Variants in TGS1 observed in about 807,000 individuals in gnomAD.
TGS1 encodes the protein trimethylguanosine synthase 1, also known as trimethylguanosine synthase.
In TGS1, 69 loss-of-function variants were observed where a neutral mutation model predicts 92.2. That is an observed-to-expected ratio of 0.75 (90% CI 0.62 to 0.91). The LOEUF (loss-of-function observed/expected upper bound fraction) is 0.91, where lower values mean the gene tolerates loss of function less well. Among genes scored for constraint, TGS1 ranks in the 40% least tolerant of loss-of-function variants. The pLI is 0.00. For missense variants in TGS1, 1,062 were observed against 1,001.2 expected (o/e 1.06, Z -0.82); for synonymous variants, 345 against 338.1 (o/e 1.02, Z -0.22).
At chr8:55,814,674 A>AAATATAT (rs1254531524) in intron 12 of TGS1, among the ~76,000 whole-genome samples, 181 of 123,328 alleles carry the variant, frequency 1.5e-3, no homozygotes, top group African/African-American at 6.2e-3. Context: ...AAAAAAAAAA[A>AAATATAT]ATATATATAT....
intron 1 of TGS1, among the ~76,000 whole-genome samples, chr8:55,774,750 T>G (rs958274812): frequency 7.9e-5 from 12 of 152,186 alleles, no homozygotes; most frequent in African/African-American, 2.9e-4. Context: ...TTGATTATAG[T>G]TATAAGTGCT....
At chr8:55,788,200 T>C (rs905416780) in intron 4 of TGS1, among the ~76,000 whole-genome samples, 1 of 152,242 alleles carries the variant, frequency 6.6e-6, no homozygotes, top group Admixed American at 6.5e-5. Context: ...TGATGTTACA[T>C]GCTGAAGACA....
chr8:55,790,360 C>T, intron 5 of TGS1, 61 bp downstream of exon 5: 2 of 1,029,014 alleles, frequency 1.9e-6, no homozygotes, highest in Non-Finnish European at 3.1e-6. Flanking sequence ...TATGCATAAG[C>T]CAGTGGTTAT....
At chr8:55,805,472 A>T (rs1241557028) in intron 10 of TGS1, among the ~76,000 whole-genome samples, 2 of 152,232 alleles carry the variant, frequency 1.3e-5, no homozygotes, top group Non-Finnish European at 2.9e-5. Context: ...AATCTGTTAT[A>T]AAAAGTTAAA....
At chr8:55,799,749 A>AT (rs1011015764) in intron 8 of TGS1, among the ~76,000 whole-genome samples, 3 of 151,552 alleles carry the variant, frequency 2.0e-5, no homozygotes, top group Non-Finnish European at 4.4e-5. Flanking sequence ...TAATTATTTA[A>AT]TTTTTTTTGT....
chr8:55,800,840 C>T (rs1310123947), intron 8 of TGS1, among the ~76,000 whole-genome samples: 1 of 152,158 alleles, frequency 6.6e-6, no homozygotes, highest in Non-Finnish European at 1.5e-5. Flanking sequence ...TCCTTGAGGA[C>T]CATTTGAGTG....
chr8:55,798,485 A>C (rs1812122251), intron 7 of TGS1, among the ~76,000 whole-genome samples: 1 of 152,222 alleles, frequency 6.6e-6, no homozygotes, highest in Admixed American at 6.5e-5. Context: ...ATGCTAAGTA[A>C]CATTTACATA....
intron 1 of TGS1, among the ~76,000 whole-genome samples, chr8:55,775,196 G>A (rs1811356118): frequency 6.6e-6 from 1 of 151,250 alleles, no homozygotes; most frequent in African/African-American, 2.4e-5. Context: ...CCAGGCTGCA[G>A]TTAGCCATTG....
chr8:55,811,225 G>A lies in TGS1; in HGVS notation c.2360+128G>A. On this transcript the variant is annotated intron_variant, in intron 11 of 12. Transcript: ENST00000260129. ...CATTTGTAATCCTAGCACATTGGGA[G>A]GCTGAGGCAGGTGGATCACCTGAGG... is the stretch of plus-strand genomic sequence containing the variant. 2 of 760,340 alleles carry A rather than the reference G, an allele frequency of 2.6e-6. 1 individual carries two copies. Among genetic ancestry groups the A allele is most frequent in the Non-Finnish European group, 4.2e-6 (2 of 479,878 alleles). The allele number at this position is 760,340 out of a possible 1,614,324, so 47.1% of individuals were successfully genotyped here. A position where few individuals can be genotyped will look rare whatever the true frequency, so the allele number is the denominator to read the frequency against.
At chr8:55,811,178 G>T in intron 11 of TGS1, 81 bp downstream of exon 11, 1 of 853,090 alleles carries the variant, frequency 1.2e-6, no homozygotes, top group South Asian at 1.6e-5. Flanking sequence ...AGGGAGTGTG[G>T]GTGGGTGGGC....
At position 55,800,617 on chromosome 8, in the gene TGS1, C is replaced by T. The variant is rs114248955; in HGVS notation, c.1849+1397C>T. 3.6e-3 allele frequency among the ~76,000 whole-genome samples: 544 copies of T among 152,288 alleles called. 2 individuals carry two copies. Among genetic ancestry groups the T allele is most frequent in the African/African-American group, 0.012 (512 of 41,540 alleles). On this transcript the variant is annotated intron_variant, in intron 8 of 12. Transcript: ENST00000260129. ...ATTTGGAATTCTGGCATTTAGTACT[C>T]AGTTACTTAATGTTAGGTCATGTAC...
chr8:55,820,163 T>C (rs1258126727), intron 12 of TGS1, among the ~76,000 whole-genome samples: 2 of 152,196 alleles, frequency 1.3e-5, no homozygotes, highest in East Asian at 1.9e-4. Flanking sequence ...GTAATTATTA[T>C]CTATTCTTCC....
chr8:55,776,777 C>T (rs1170664465), intron 1 of TGS1, among the ~76,000 whole-genome samples: 2 of 152,132 alleles, frequency 1.3e-5, no homozygotes, highest in Non-Finnish European at 2.9e-5. Flanking sequence ...TAAGTGCCAC[C>T]ACTAATTGTT....
intron 12 of TGS1, among the ~76,000 whole-genome samples, chr8:55,822,081 T>C (rs1803657136): frequency 1.3e-5 from 2 of 151,414 alleles, no homozygotes; most frequent in African/African-American, 4.8e-5. Context: ...TCTTTCTTTT[T>C]TTTTTTGAGG....
At chr8:55,821,877 A>C (rs1375023227) in intron 12 of TGS1, among the ~76,000 whole-genome samples, 3 of 151,846 alleles carry the variant, frequency 2.0e-5, no homozygotes, top group Non-Finnish European at 4.4e-5. Context: ...TCCATCTCAA[A>C]AAATAATAAT....
At chr8:55,816,860 A>AT (rs11439748) in intron 12 of TGS1, among the ~76,000 whole-genome samples, 727 of 51,684 alleles carry the variant, frequency 0.014, 7 homozygotes, top group African/African-American at 0.035. Context: ...TCTCTATTTT[A>AT]TTTATTTTTT....
intron 9 of TGS1, 143 bp downstream of exon 9, chr8:55,802,749 A>T: frequency 1.4e-6 from 1 of 723,320 alleles, no homozygotes; most frequent in Non-Finnish European, 2.2e-6. Context: ...TTACGTTCTC[A>T]TTCTCTCTCC....
chr8:55,783,291 C>T (rs1484826809), intron 2 of TGS1, among the ~76,000 whole-genome samples: 2 of 152,098 alleles, frequency 1.3e-5, no homozygotes, highest in Non-Finnish European at 2.9e-5. Flanking sequence ...TGGTGGTGGG[C>T]ACCTATAATC....
chr8:55,792,264 T>C (rs1209067326), intron 5 of TGS1, among the ~76,000 whole-genome samples: 1 of 152,234 alleles, frequency 6.6e-6, no homozygotes, highest in African/African-American at 2.4e-5. Flanking sequence ...CTTATTCTTT[T>C]TAGTAATTTT....
Sources: allele counts gnomAD v4.1 joint callset (sites outside exome capture counted in the v4.1 genomes callset), GRCh38; gene constraint gnomAD v4.1.1; transcripts MANE v1.5; gene names NCBI Gene and HGNC (gene_info 2026-07-23, HGNC 2026-07-21).